RBFOX1: variants seen among roughly 807,000 people sequenced by gnomAD.
The protein encoded by RBFOX1 is RNA binding protein fox-1 homolog 1.
In RBFOX1, 8 loss-of-function variants were observed where a neutral mutation model predicts 57.7. That is an observed-to-expected ratio of 0.14 (90% CI 0.08 to 0.25). RBFOX1 has a LOEUF of 0.25. Ranked by LOEUF, RBFOX1 falls within the 10% of genes least tolerant of loss-of-function variation. RBFOX1 has a pLI of 1.00. For missense variants in RBFOX1, 611 were observed against 548.5 expected (o/e 1.11, Z -1.14); for synonymous variants, 326 against 222.4 (o/e 1.47, Z -4.15).
At position 5,649,185 on chromosome 16, in the gene RBFOX1, T is replaced by C. The variant is rs1480165536; in HGVS notation, c.318+50224T>C. Among the ~76,000 whole-genome samples the C allele has an allele frequency of 3.3e-5, 5 of 152,172 alleles. No homozygotes were observed. The East Asian group carries it at 5.8e-4, about 18-fold the overall frequency. ...TATGTACATATGTATATATGTACTT[T>C]GTGTTTTGAGATGGAGTCTTTCTCT... On this transcript the variant is annotated intron_variant, in intron 3 of 19. Transcript: ENST00000641259.
At chr16:7,651,080 A>C (rs1207619903) in intron 11 of RBFOX1, among the ~76,000 whole-genome samples, 2 of 152,200 alleles carry the variant, frequency 1.3e-5, no homozygotes, top group African/African-American at 4.8e-5. Flanking sequence ...AAAAAAGTTA[A>C]AAATAACCTT....
intron 1 of RBFOX1, among the ~76,000 whole-genome samples, chr16:6,142,427 T>C (rs2096725682): frequency 6.6e-6 from 1 of 151,974 alleles, no homozygotes; most frequent in Non-Finnish European, 1.5e-5. Context: ...TTCACCATGT[T>C]AGCCAGGATG....
At chr16:5,524,490 C>A (rs8050440) in intron 2 of RBFOX1, among the ~76,000 whole-genome samples, 1 of 151,266 alleles carries the variant, frequency 6.6e-6, no homozygotes, top group South Asian at 2.1e-4. Context: ...ATATTCCTTT[C>A]GGTTTATACC....
intron 2 of RBFOX1, among the ~76,000 whole-genome samples, chr16:6,557,027 A>G (rs1472619375): frequency 7.4e-6 from 1 of 135,962 alleles, no homozygotes; most frequent in Non-Finnish European, 1.5e-5. Context: ...ATATATATAC[A>G]TATATACACA....
intron 14 of RBFOX1, among the ~76,000 whole-genome samples, chr16:7,681,194 A>T (rs969277798): frequency 6.6e-6 from 1 of 152,182 alleles, no homozygotes; most frequent in African/African-American, 2.4e-5. Flanking sequence ...AGACATATAC[A>T]TACATCCATG....
At chr16:5,424,984 TTTTC>T (rs2067497471) in intron 1 of RBFOX1, among the ~76,000 whole-genome samples, 2 of 68,918 alleles carry the variant, frequency 2.9e-5, no homozygotes, top group Non-Finnish European at 5.5e-5. Flanking sequence ...CTTTCTTTTC[TTTTC>T]TTTTCTTTTC....
chr16:5,459,092 C>T (rs2068714801), intron 1 of RBFOX1, among the ~76,000 whole-genome samples: 3 of 152,200 alleles, frequency 2.0e-5, no homozygotes, highest in Admixed American at 2.0e-4. Context: ...CTCACCATGC[C>T]CTGGCCTCTT....
intron 3 of RBFOX1, among the ~76,000 whole-genome samples, chr16:7,041,002 A>G (rs2045972350): frequency 6.7e-6 from 1 of 148,944 alleles, no homozygotes; most frequent in South Asian, 2.1e-4. Flanking sequence ...TGCAACGTCC[A>G]CCTCCTGGGT....
chr16:5,506,316 G>T, intron 2 of RBFOX1, among the ~76,000 whole-genome samples: 1 of 152,184 alleles, frequency 6.6e-6, no homozygotes, highest in Non-Finnish European at 1.5e-5. Context: ...GCACAGAGAC[G>T]TAAGTCGCGG....
chr16:6,622,515 A>G (rs1285245953), intron 2 of RBFOX1, among the ~76,000 whole-genome samples: 1 of 152,162 alleles, frequency 6.6e-6, no homozygotes, highest in Non-Finnish European at 1.5e-5. Context: ...AGGTTTGTAT[A>G]ACTGCACCGT....
chr16:6,162,104 A>G (rs2096883808), intron 1 of RBFOX1, among the ~76,000 whole-genome samples: 1 of 152,182 alleles, frequency 6.6e-6, no homozygotes, highest in African/African-American at 2.4e-5. Flanking sequence ...TCCAAAGAAC[A>G]GGATTTCTGT....
intron 1 of RBFOX1, among the ~76,000 whole-genome samples, chr16:5,445,774 T>C (rs1219125245): frequency 6.6e-6 from 1 of 152,240 alleles, no homozygotes; most frequent in African/African-American, 2.4e-5. Context: ...ACTAAATTTT[T>C]CTAGATGGCT....
chr16:6,613,986 T>G (rs996565686), intron 2 of RBFOX1, among the ~76,000 whole-genome samples: 1 of 152,192 alleles, frequency 6.6e-6, no homozygotes, highest in African/African-American at 2.4e-5. Flanking sequence ...TGCAATAATT[T>G]GGAAGCTTTA....
intron 3 of RBFOX1, among the ~76,000 whole-genome samples, chr16:6,866,350 T>A (rs982169518): frequency 6.6e-6 from 1 of 151,962 alleles, no homozygotes; most frequent in Non-Finnish European, 1.5e-5. Context: ...TCTTACAGTG[T>A]AATAATGGAA....
chr16:7,622,384 T>A (rs1042652949), intron 10 of RBFOX1, among the ~76,000 whole-genome samples: 2 of 152,228 alleles, frequency 1.3e-5, no homozygotes, highest in African/African-American at 4.8e-5. Context: ...TAAAACACTT[T>A]GGGAACTCTT....
chr16:7,597,553 C>A, intron 9 of RBFOX1, 122 bp downstream of exon 9: 1 of 797,400 alleles, frequency 1.3e-6, no homozygotes, highest in Non-Finnish European at 1.9e-6. Context: ...GTTTTTACTA[C>A]TGACCTGCTA....
intron 4 of RBFOX1, among the ~76,000 whole-genome samples, chr16:7,390,873 G>C (rs1392558532): frequency 6.6e-6 from 1 of 152,164 alleles, no homozygotes; most frequent in Non-Finnish European, 1.5e-5. Flanking sequence ...TGGGGATATG[G>C]AGAGTTGGGA....
At chr16:6,279,704 C>A (rs994536115) in intron 1 of RBFOX1, among the ~76,000 whole-genome samples, 1 of 152,104 alleles carries the variant, frequency 6.6e-6, no homozygotes, top group Non-Finnish European at 1.5e-5. Flanking sequence ...TTTACTGAGG[C>A]TGTTGATGTC....
chr16:6,346,659 T>C (rs2085424869), intron 2 of RBFOX1, among the ~76,000 whole-genome samples: 2 of 152,210 alleles, frequency 1.3e-5, no homozygotes, highest in Non-Finnish European at 2.9e-5. Flanking sequence ...TTAAACTCTG[T>C]TAGATTTAAT....
Sources: allele counts gnomAD v4.1 joint callset (sites outside exome capture counted in the v4.1 genomes callset), GRCh38; gene constraint gnomAD v4.1.1; transcripts MANE v1.5; gene names NCBI Gene and HGNC (gene_info 2026-07-23, HGNC 2026-07-21).